Variants in KCNIP4 observed in about 807,000 individuals in gnomAD.
The protein encoded by KCNIP4 is Kv channel-interacting protein 4.
In KCNIP4, 12 loss-of-function variants were observed where a neutral mutation model predicts 34.0. The observed-to-expected ratio is 0.35, with a 90% CI of 0.23 to 0.57. KCNIP4 has a LOEUF of 0.57. Among genes scored for constraint, KCNIP4 ranks in the 20% least tolerant of loss-of-function variants. The pLI is 0.83. For missense variants in KCNIP4, 238 were observed against 311.7 expected (o/e 0.76, Z 1.78); for synonymous variants, 124 against 102.2 (o/e 1.21, Z -1.29).
intron 1 of KCNIP4, among the ~76,000 whole-genome samples, chr4:21,050,668 A>G (rs1742849360): frequency 6.6e-6 from 1 of 152,230 alleles, no homozygotes; most frequent in African/African-American, 2.4e-5. Flanking sequence ...TCAACCAGCT[A>G]AGTAAACACT....
At chr4:21,837,776 A>C (rs1188243620) in intron 1 of KCNIP4, among the ~76,000 whole-genome samples, 1 of 152,092 alleles carries the variant, frequency 6.6e-6, no homozygotes, top group African/African-American at 2.4e-5. Flanking sequence ...GACAGAAAGA[A>C]AATTTTATAA....
chr4:21,306,352 G>T (rs901442731), intron 1 of KCNIP4, among the ~76,000 whole-genome samples: 5 of 152,194 alleles, frequency 3.3e-5, no homozygotes. Context: ...TACCCAAAAT[G>T]ATCCCCCACA....
chr4:21,394,892 G>A (rs1722856170), intron 1 of KCNIP4, among the ~76,000 whole-genome samples: 1 of 151,954 alleles, frequency 6.6e-6, no homozygotes, highest in African/African-American at 2.4e-5. Context: ...TCATGCTTTG[G>A]CATTCTTTTA....
intron 1 of KCNIP4, among the ~76,000 whole-genome samples, chr4:21,017,615 A>T (rs1739663056): frequency 6.6e-6 from 1 of 152,012 alleles, no homozygotes; most frequent in Non-Finnish European, 1.5e-5. Context: ...GCTTGATTCC[A>T]TGTCTTTGCT....
intron 1 of KCNIP4, among the ~76,000 whole-genome samples, chr4:21,696,425 C>T (rs772400776): frequency 4.6e-5 from 7 of 152,084 alleles, no homozygotes; most frequent in Non-Finnish European, 1.0e-4. Context: ...AGTTTCTTTA[C>T]TCTTTTTTTC....
intron 1 of KCNIP4, among the ~76,000 whole-genome samples, chr4:21,826,795 C>A (rs1020655493): frequency 1.3e-5 from 2 of 151,974 alleles, no homozygotes; most frequent in Admixed American, 1.3e-4. Flanking sequence ...TAAATATGAT[C>A]ATCTACATAT....
rs185658338 is a variant in KCNIP4, at chr4:21,229,576, C to A, written c.62-346867G>T. 3.2e-4 allele frequency among the ~76,000 whole-genome samples: 48 copies of A among 152,214 alleles called. No homozygotes were observed. In the East Asian group the frequency reaches 8.9e-3, roughly 28 times the overall value. On this transcript the variant is annotated intron_variant, in intron 1 of 8. Coordinates refer to ENST00000382152, the MANE Select transcript of KCNIP4 (RefSeq NM_025221.6). The stretch of plus-strand genomic sequence containing the variant: ...GAACTTATCATCTATTGGGAGAAAT[C>A]GGATAACAAACATAGTTATCAAGCT...
chr4:21,697,483 C>A (rs1449613435), intron 1 of KCNIP4: 1 of 1,515,570 alleles, frequency 6.6e-7, no homozygotes, highest in Admixed American at 2.5e-5. Context: ...AAGTCTTTGC[C>A]AATAATAATA....
At chr4:21,136,719 G>C (rs1308270441) in intron 1 of KCNIP4, among the ~76,000 whole-genome samples, 1 of 152,124 alleles carries the variant, frequency 6.6e-6, no homozygotes, top group African/African-American at 2.4e-5. Flanking sequence ...CCATACTACT[G>C]CTGGAGGGTT....
chr4:20,999,423 TTTTGTTTGTTTTTTG>T lies in KCNIP4; in HGVS notation c.62-116729_62-116715del, dbSNP rs1402836246. Among the ~76,000 whole-genome samples, 31 of 38,220 alleles carry T rather than the reference TTTTGTTTGTTTTTTG, an allele frequency of 8.1e-4. 3 individuals carry two copies. Among genetic ancestry groups the T allele is most frequent in the African/African-American group, 3.1e-3 (22 of 7,178 alleles). The allele number at this position is 38,220 out of a possible 152,430, so 25.1% of individuals were successfully genotyped here. A position where few individuals can be genotyped will look rare whatever the true frequency, so the allele number is the denominator to read the frequency against. Reference sequence around the variant, plus strand: ...TTTTTGTTGTGGTGGTGTTTTTTTTTTTTGTTTGTTTTTTGTTTTTTTTTTTTTTTTTTATCTTGA... The same window carrying T: ...TTTTTGTTGTGGTGGTGTTTTTTTTTTTTTTTTTTTTTTTTTTTATCTTGA... On this transcript the variant is annotated intron_variant, in intron 1 of 8. Transcript: ENST00000382152.
At chr4:21,410,453 T>C (rs1313375294) in intron 1 of KCNIP4, among the ~76,000 whole-genome samples, 1 of 152,194 alleles carries the variant, frequency 6.6e-6, no homozygotes, top group Non-Finnish European at 1.5e-5. Flanking sequence ...CATCACTGTC[T>C]CTGGGGGAAG....
At chr4:21,371,092 C>G (rs1172558850) in intron 1 of KCNIP4, among the ~76,000 whole-genome samples, 1 of 141,910 alleles carries the variant, frequency 7.0e-6, no homozygotes, top group Non-Finnish European at 1.5e-5. Flanking sequence ...GCAATTCAGC[C>G]AGAGATTAAA....
intron 1 of KCNIP4, among the ~76,000 whole-genome samples, chr4:21,076,992 G>A (rs1745548116): frequency 6.6e-6 from 1 of 152,064 alleles, no homozygotes. Context: ...GGGCGTGATG[G>A]CATGAGCCAG....
At chr4:21,921,000 GACTTTT>G (rs1443953685) in intron 1 of KCNIP4, among the ~76,000 whole-genome samples, 2 of 152,030 alleles carry the variant, frequency 1.3e-5, no homozygotes, top group East Asian at 1.9e-4. Context: ...CTAATCATTG[GACTTTT>G]ACTTTTAAGG....
At chr4:21,132,844 A>C (rs1751178510) in intron 1 of KCNIP4, among the ~76,000 whole-genome samples, 1 of 124,336 alleles carries the variant, frequency 8.0e-6, no homozygotes, top group Non-Finnish European at 1.7e-5. Context: ...TGTCGTCTCT[A>C]CTAAACGACA....
chr4:21,072,108 G>T (rs1197762896), intron 1 of KCNIP4, among the ~76,000 whole-genome samples: 1 of 152,062 alleles, frequency 6.6e-6, no homozygotes, highest in African/African-American at 2.4e-5. Context: ...AACATATGTG[G>T]GCATGTGTCT....
chr4:21,672,023 T>G (rs1055934672), intron 1 of KCNIP4, among the ~76,000 whole-genome samples: 1 of 152,154 alleles, frequency 6.6e-6, no homozygotes, highest in African/African-American at 2.4e-5. Context: ...GCCTGATTGA[T>G]GCTTACTTAA....
chr4:21,238,248 T>C (rs1245772935), intron 1 of KCNIP4, among the ~76,000 whole-genome samples: 9 of 152,012 alleles, frequency 5.9e-5, no homozygotes, highest in East Asian at 5.8e-4. Context: ...TAAGAGCTAT[T>C]TATGACAAAC....
intron 3 of KCNIP4, among the ~76,000 whole-genome samples, chr4:20,810,756 T>G (rs1314859701): frequency 6.6e-6 from 1 of 152,194 alleles, no homozygotes; most frequent in African/African-American, 2.4e-5. Flanking sequence ...GTCACAGAAA[T>G]AGCAAATTTT....
Sources: gnomAD v4.1 joint callset for allele counts (sites outside exome capture counted in the v4.1 genomes callset) on GRCh38, gnomAD v4.1.1 for gene constraint, MANE v1.5 for transcripts, NCBI Gene and HGNC (gene_info 2026-07-23, HGNC 2026-07-21) for gene names.